ADGRL3: variants seen among roughly 807,000 people sequenced by gnomAD.
ADGRL3 encodes adhesion G protein-coupled receptor L3, also known as calcium-independent alpha-latrotoxin receptor 3.
In ADGRL3, 62 loss-of-function variants were observed where a neutral mutation model predicts 153.5. The ratio of observed to expected loss-of-function variants is 0.40; its 90% CI spans 0.33 to 0.50. ADGRL3 has a LOEUF of 0.50. Ranked by LOEUF, ADGRL3 falls within the 20% of genes least tolerant of loss-of-function variation. The probability of loss-of-function intolerance (pLI) is 0.47; values close to 1 mark genes in which losing one functional copy is unlikely to be tolerated. For synonymous variants in ADGRL3, 710 were observed against 672.5 expected (o/e 1.06, Z -0.86); for missense variants, 1,641 against 1,859.4 (o/e 0.88, Z 2.16).
intron 1 of ADGRL3, among the ~76,000 whole-genome samples, chr4:61,290,038 A>G (rs1257666976): frequency 6.6e-6 from 1 of 152,144 alleles, no homozygotes; most frequent in African/African-American, 2.4e-5. Context: ...TATCTTGAAA[A>G]ATGGAAAACA....
chr4:61,372,844 A>T (rs1319567724), intron 1 of ADGRL3, among the ~76,000 whole-genome samples: 1 of 152,092 alleles, frequency 6.6e-6, no homozygotes, highest in African/African-American at 2.4e-5. Context: ...GCCGCCTTGC[A>T]GTTTGATCTC....
intron 4 of ADGRL3, among the ~76,000 whole-genome samples, chr4:61,577,192 G>C (rs2098891395): frequency 6.8e-6 from 1 of 147,492 alleles, no homozygotes; most frequent in Admixed American, 6.8e-5. Context: ...GAGAGAGAGA[G>C]TGTGTGTGCA....
chr4:62,065,192 G>C (rs1248977153), intron 25 of ADGRL3, among the ~76,000 whole-genome samples: 1 of 152,014 alleles, frequency 6.6e-6, no homozygotes, highest in African/African-American at 2.4e-5. Flanking sequence ...GCATTCTTCT[G>C]TTGTCTGTGG....
intron 9 of ADGRL3, among the ~76,000 whole-genome samples, chr4:61,872,589 A>G (rs2098452054): frequency 6.6e-6 from 1 of 151,212 alleles, no homozygotes; most frequent in Non-Finnish European, 1.5e-5. Context: ...ATTCTCCCCC[A>G]GGTTTCATTC....
chr4:61,428,180 C>CG, intron 2 of ADGRL3: 1 of 152,748 alleles, frequency 6.5e-6, no homozygotes. Flanking sequence ...AAACAACACT[C>CG]GGGGGGCCGT....
intron 9 of ADGRL3, among the ~76,000 whole-genome samples, chr4:61,837,809 G>A (rs1348569733): frequency 6.6e-6 from 1 of 152,052 alleles, no homozygotes; most frequent in Non-Finnish European, 1.5e-5. Flanking sequence ...AATAGTCATG[G>A]TAGTCTTCTA....
intron 9 of ADGRL3, among the ~76,000 whole-genome samples, chr4:61,874,581 C>A (rs992967196): frequency 7.1e-6 from 1 of 140,418 alleles, no homozygotes; most frequent in African/African-American, 2.6e-5. Flanking sequence ...TCTTTCTTCT[C>A]GTTTGTTTGC....
intron 1 of ADGRL3, among the ~76,000 whole-genome samples, chr4:61,323,759 C>T (rs1017035596): frequency 6.6e-6 from 1 of 152,190 alleles, no homozygotes; most frequent in Non-Finnish European, 1.5e-5. Context: ...AACTTTCCTA[C>T]ATTTTCCTGC....
chr4:62,038,779 TTG>T (rs1384068068), intron 24 of ADGRL3, among the ~76,000 whole-genome samples: 1 of 152,060 alleles, frequency 6.6e-6, no homozygotes, highest in African/African-American at 2.4e-5. Context: ...CAGATAATTT[TTG>T]TGTTTTTTGT....
intron 1 of ADGRL3, among the ~76,000 whole-genome samples, chr4:61,238,617 A>G (rs182862688): frequency 1.3e-5 from 2 of 152,170 alleles, no homozygotes; most frequent in African/African-American, 4.8e-5. Context: ...CAGTCAGTGG[A>G]GTTAAGACTT....
chr4:61,836,702 CTG>C (rs1317437860), intron 9 of ADGRL3, among the ~76,000 whole-genome samples: 3 of 151,908 alleles, frequency 2.0e-5, no homozygotes, highest in Non-Finnish European at 4.4e-5. Context: ...TTTAAAATGA[CTG>C]TATTTGTCAT....
chr4:61,218,710 C>T (rs1744015616), intron 1 of ADGRL3, among the ~76,000 whole-genome samples: 1 of 152,122 alleles, frequency 6.6e-6, no homozygotes, highest in African/African-American at 2.4e-5. Context: ...ACTGGTCAAG[C>T]AGCACCTTCC....
intron 2 of ADGRL3, among the ~76,000 whole-genome samples, chr4:61,405,336 G>A (rs896188211): frequency 6.6e-6 from 1 of 151,914 alleles, no homozygotes; most frequent in African/African-American, 2.4e-5. Context: ...GTTACTATAC[G>A]TAAAGGACAC....
Position 61,468,552 on chromosome 4 carries a change from G to A in ADGRL3, c.-173-28569G>A, listed in dbSNP as rs532519549. Among the ~76,000 whole-genome samples the A allele has an allele frequency of 9.2e-5, 14 of 152,184 alleles. No homozygotes were observed. In the East Asian group the frequency reaches 1.2e-3, roughly 13 times the overall value. On this transcript the variant is annotated intron_variant, in intron 2 of 26. Transcript: ENST00000683033. ...CTTTATCAAAGCCTTAACCTCAAAC[G>A]AGTTAAAAATTCTTTCCCTTTGTCC... is the stretch of plus-strand genomic sequence containing the variant.
chr4:61,949,018 A>G (rs76714032), intron 17 of ADGRL3, among the ~76,000 whole-genome samples: 1 of 126,686 alleles, frequency 7.9e-6, no homozygotes, highest in Non-Finnish European at 1.6e-5. Context: ...GGAAACTCAG[A>G]AAAAAAAAAA....
chr4:61,794,326 G>A (rs2097380315), intron 8 of ADGRL3, among the ~76,000 whole-genome samples: 2 of 152,170 alleles, frequency 1.3e-5, no homozygotes. Flanking sequence ...GGACATGAGT[G>A]GAGGAATTAT....
chr4:61,619,338 T>A (rs1000368677), intron 5 of ADGRL3, among the ~76,000 whole-genome samples: 1 of 152,182 alleles, frequency 6.6e-6, no homozygotes, highest in African/African-American at 2.4e-5. Context: ...CAATACCTTT[T>A]TTTTCTAGTT....
chr4:61,913,336 A>G (rs977014750), intron 13 of ADGRL3, among the ~76,000 whole-genome samples: 2 of 152,138 alleles, frequency 1.3e-5, no homozygotes, highest in Admixed American at 6.6e-5. Flanking sequence ...AACCATACCT[A>G]TGTTTATGGA....
intron 4 of ADGRL3, among the ~76,000 whole-genome samples, chr4:61,538,833 C>T (rs1460595852): frequency 1.3e-5 from 2 of 152,086 alleles, no homozygotes; most frequent in African/African-American, 4.8e-5. Flanking sequence ...AATGGAAGCC[C>T]CTGCCCTGAC....
Sources: allele counts gnomAD v4.1 joint callset (sites outside exome capture counted in the v4.1 genomes callset), GRCh38; gene constraint gnomAD v4.1.1; transcripts MANE v1.5; gene names NCBI Gene and HGNC (gene_info 2026-07-23, HGNC 2026-07-21).